Variants in ZZZ3 observed in about 807,000 individuals in gnomAD.
ZZZ3 encodes ZZ-type zinc finger-containing protein 3.
ZZZ3 carries 22 observed loss-of-function variants against 95.2 expected under a neutral mutation model. The observed-to-expected ratio is 0.23, with a 90% CI of 0.17 to 0.33. ZZZ3 has a LOEUF of 0.33. Ranked by LOEUF, ZZZ3 falls within the 10% of genes least tolerant of loss-of-function variation. ZZZ3 has a pLI of 1.00. For missense variants in ZZZ3, 885 were observed against 1,066.5 expected (o/e 0.83, Z 2.37); for synonymous variants, 335 against 358.9 (o/e 0.93, Z 0.75).
intron 1 of ZZZ3, among the ~76,000 whole-genome samples, chr1:77,666,015 T>TG (rs1671218988): frequency 6.6e-6 from 1 of 152,232 alleles, no homozygotes; most frequent in Non-Finnish European, 1.5e-5. Context: ...CACTCCAGCC[T>TG]GGGAGAGACA....
intron 1 of ZZZ3, among the ~76,000 whole-genome samples, chr1:77,676,340 G>A (rs1024591390): frequency 1.6e-4 from 25 of 152,184 alleles, no homozygotes; most frequent in Admixed American, 4.6e-4. Context: ...CTAATTTTGT[G>A]TATTTTTTGT....
intron 1 of ZZZ3, among the ~76,000 whole-genome samples, chr1:77,646,935 G>A (rs1267281334): frequency 6.6e-6 from 1 of 152,108 alleles, no homozygotes; most frequent in Non-Finnish European, 1.5e-5. Flanking sequence ...ACAGAGGAGA[G>A]AGCAGAAAGG....
chr1:77,591,254 T>C (rs1663664032), intron 5 of ZZZ3, among the ~76,000 whole-genome samples: 1 of 152,050 alleles, frequency 6.6e-6, no homozygotes, highest in African/African-American at 2.4e-5. Flanking sequence ...GCTCAAAGAG[T>C]TTACAGGAAG....
At chr1:77,579,867 C>T (rs1300125923) in intron 9 of ZZZ3, 8 of 254,894 alleles carry the variant, frequency 3.1e-5, no homozygotes, top group Non-Finnish European at 5.1e-5. Flanking sequence ...TTTCTATTCA[C>T]ATAAGTAAAA....
Position 77,632,246 on chromosome 1 carries a change from T to G in ZZZ3, c.1109A>C (p.Glu370Ala). 6.2e-7 allele frequency: 1 copy of G among 1,614,084 alleles called. No individual in the cohort carries two copies. The highest frequency in any genetic ancestry group is 8.5e-7 in the Non-Finnish European group (1 of 1,180,006). ...CAGAGTATAACGATGTTCTTGAGGT[T>G]CTGATAAAGACATCATTTGAGCTGA... ...CVSAQMMSLS[E>A]PQEHRYTLRT... The change falls in exon 5 of 15, where the codon GAA becomes GCA. Residue 370 changes from glutamate (E) to alanine (A), a missense_variant. Physicochemically the swap from Glu to Ala is moderately radical, Grantham distance 107 (BLOSUM62 -1). This residue lies in a region of ZZZ3 where 556 missense variants were observed against 652.9 expected (regional missense o/e 0.85). Coordinates refer to ENST00000370801, the MANE Select transcript of ZZZ3 (RefSeq NM_015534.6).
intron 1 of ZZZ3, among the ~76,000 whole-genome samples, chr1:77,660,217 A>T (rs960192541): frequency 1.3e-5 from 2 of 151,880 alleles, no homozygotes; most frequent in Admixed American, 1.3e-4. Context: ...ATTTTTTTTT[A>T]TTGTGGTAAA....
rs1203939851 is a variant in ZZZ3 at position 77,633,349 on chromosome 1, A to T, written c.6T>A (p.Ala2=). 1 of 1,600,902 alleles carries T rather than the reference A, an allele frequency of 6.2e-7. No individual in the cohort carries two copies. The highest frequency in any genetic ancestry group is 1.7e-5 in the Admixed American group (1 of 58,384). Residue 2 remains alanine, a synonymous_variant, in exon 5 of 15, where the codon GCT becomes GCA. Transcript: ENST00000370801. M[A]ASRSTRVTRS... is the part of the protein sequence containing the mutation. Reference sequence around the variant, plus strand: ...TTGTAACACGAGTAGATCGGGAAGCAGCCATACTATGGCAAGTCCCTACAA... The same window carrying T: ...TTGTAACACGAGTAGATCGGGAAGCTGCCATACTATGGCAAGTCCCTACAA...
intron 1 of ZZZ3, among the ~76,000 whole-genome samples, chr1:77,648,008 T>TA (rs796537249): frequency 2.0e-5 from 3 of 152,074 alleles, no homozygotes; most frequent in South Asian, 2.1e-4. Flanking sequence ...TTATGGGAAT[T>TA]AAAAAAAATC....
rs114428718 is a variant in ZZZ3 at position 77,643,882 on chromosome 1, A to G, written c.-402-2227T>C. 5.4e-3 allele frequency among the ~76,000 whole-genome samples: 818 copies of G among 152,290 alleles called. 10 individuals are homozygous for G. The highest frequency in any genetic ancestry group is 0.018 in the African/African-American group (760 of 41,556). On this transcript the variant is annotated intron_variant, in intron 1 of 14. Coordinates refer to ENST00000370801, the MANE Select transcript of ZZZ3 (RefSeq NM_015534.6). ...TTTTTTAGTTTTATAAGAGCTTGGAAAAAATTCAAAAGGAAGGTCATACAA... is the reference window on the plus strand; with the variant it reads ...TTTTTTAGTTTTATAAGAGCTTGGAGAAAATTCAAAAGGAAGGTCATACAA...
intron 5 of ZZZ3, among the ~76,000 whole-genome samples, chr1:77,591,902 G>A (rs1170002109): frequency 6.6e-6 from 1 of 152,134 alleles, no homozygotes; most frequent in Admixed American, 6.5e-5. Context: ...GGGGCAAAAG[G>A]AGAACTAAAA....
chr1:77,571,885 C>A (rs1184653731), intron 12 of ZZZ3, among the ~76,000 whole-genome samples: 1 of 152,144 alleles, frequency 6.6e-6, no homozygotes, highest in Non-Finnish European at 1.5e-5. Flanking sequence ...CATTGCTGAA[C>A]TGTATACTAT....
chr1:77,612,924 T>C (rs1665953763), intron 5 of ZZZ3, among the ~76,000 whole-genome samples: 1 of 151,942 alleles, frequency 6.6e-6, no homozygotes, highest in Admixed American at 6.5e-5. Context: ...TTTTATTAAG[T>C]AAGCAGATTT....
Position 77,639,441 on chromosome 1 carries a change from T to C in ZZZ3, c.-52+8A>G. On this transcript the variant is annotated splice_region_variant and intron_variant, in intron 4 of 14. Transcript: ENST00000370801. Reference sequence around the variant, plus strand: ...CTGTCTTCACTACTGCAAAACTAAATAACTTACCTGTACAACCAAAGATCT... The same window carrying C: ...CTGTCTTCACTACTGCAAAACTAAACAACTTACCTGTACAACCAAAGATCT... The C allele has an allele frequency of 6.6e-7, 1 of 1,517,554 alleles. No individual in the cohort carries two copies. Among genetic ancestry groups the C allele is most frequent in the Non-Finnish European group, 8.8e-7 (1 of 1,133,232 alleles). The allele number at this position is 1,517,554 out of a possible 1,614,324, so 94.0% of individuals were successfully genotyped here. A position where few individuals can be genotyped will look rare whatever the true frequency, so the allele number is the denominator to read the frequency against.
At chr1:77,597,973 T>G (rs1664373111) in intron 5 of ZZZ3, among the ~76,000 whole-genome samples, 1 of 152,172 alleles carries the variant, frequency 6.6e-6, no homozygotes, top group East Asian at 1.9e-4. Context: ...GAGTATACAG[T>G]AACCCTGTAA....
chr1:77,562,899 G>C lies in ZZZ3; in HGVS notation c.*2741C>G, dbSNP rs1194796317. 1 of 152,470 alleles carries C rather than the reference G, an allele frequency of 6.6e-6. No homozygotes were observed. The highest frequency in any genetic ancestry group is 6.5e-5 in the Admixed American group (1 of 15,282). The allele number at this position is 152,470 out of a possible 1,614,324, so 9.4% of individuals were successfully genotyped here. ...GCTGACTCTGAAGTAATCTGCCTAG[G>C]TTAAAATCCAAGCATGACCACTTTA... is the stretch of plus-strand genomic sequence containing the variant. On this transcript the variant is annotated 3_prime_UTR_variant, in exon 15 of 15. Transcript: ENST00000370801.
chr1:77,666,250 C>T (rs1005480394), intron 1 of ZZZ3, among the ~76,000 whole-genome samples: 1 of 152,184 alleles, frequency 6.6e-6, no homozygotes, highest in Non-Finnish European at 1.5e-5. Context: ...TTCATGCATT[C>T]TGGCACGTTG....
intron 12 of ZZZ3, among the ~76,000 whole-genome samples, chr1:77,573,484 C>G (rs1031165378): frequency 1.3e-5 from 2 of 152,088 alleles, no homozygotes; most frequent in Non-Finnish European, 2.9e-5. Context: ...CTCCCATAGA[C>G]GAAAATTTAT....
At position 77,571,429 on chromosome 1, in the gene ZZZ3, C is replaced by T. The variant is rs189952676; in HGVS notation, c.2332-2963G>A. On this transcript the variant is annotated intron_variant, in intron 12 of 14. Transcript: ENST00000370801. ...AAAAATTTAGCATAAAATTACCATACAATCTAGCAATTCTACTTCCCAAAA... is the reference window on the plus strand; with the variant it reads ...AAAAATTTAGCATAAAATTACCATATAATCTAGCAATTCTACTTCCCAAAA... 2.4e-3 allele frequency among the ~76,000 whole-genome samples: 367 copies of T among 152,292 alleles called. 2 individuals are homozygous for T. Among genetic ancestry groups the T allele is most frequent in the Middle Eastern group, 3.4e-3 (1 of 294 alleles).
At chr1:77,641,942 C>T (rs1668812358) in intron 1 of ZZZ3, among the ~76,000 whole-genome samples, 1 of 152,094 alleles carries the variant, frequency 6.6e-6, no homozygotes, top group Non-Finnish European at 1.5e-5. Context: ...CCTTTTCTTA[C>T]CACCAATATA....
Sources: gnomAD v4.1 joint callset for allele counts (sites outside exome capture counted in the v4.1 genomes callset) on GRCh38, gnomAD v4.1.1 for gene constraint, gnomAD v4.1.1 regional missense constraint, MANE v1.5 for transcripts, NCBI Gene and HGNC (gene_info 2026-07-23, HGNC 2026-07-21) for gene names.